LNPEP: variants seen among roughly 807,000 people sequenced by gnomAD.
LNPEP encodes leucyl-cystinyl aminopeptidase.
LNPEP carries 64 observed loss-of-function variants against 120.6 expected under a neutral mutation model. The ratio of observed to expected loss-of-function variants is 0.53; its 90% CI spans 0.43 to 0.65. LNPEP has a LOEUF of 0.65. Ranked by LOEUF, LNPEP falls within the 30% of genes least tolerant of loss-of-function variation. The pLI is 0.00. For missense variants in LNPEP, 1,057 were observed against 1,200.0 expected (o/e 0.88, Z 1.76); for synonymous variants, 435 against 425.4 (o/e 1.02, Z -0.28).
In LNPEP at chr5:97,006,486, A is replaced by C; in HGVS notation, c.2006A>C (p.Gln669Pro). 6.4e-7 allele frequency: 1 copy of C among 1,563,798 alleles called. No homozygotes were observed. ...GAAGGAAGAAATTATTCAAAATATC[A>C]ATCGGTATCATTACTGGATAAGAAA... Reference protein sequence around the residue: ...VTEGRNYSKYQSVSLLDKKSG... With the variant: ...VTEGRNYSKYPSVSLLDKKSG... Residue 669 changes from glutamine to proline, a missense_variant, in exon 11 of 18, where the codon CAA (glutamine) becomes CCA (proline). Coordinates refer to ENST00000231368, the MANE Select transcript of LNPEP (RefSeq NM_005575.3).
chr5:97,021,953 G>A (rs1308668935), intron 13 of LNPEP, among the ~76,000 whole-genome samples: 2 of 104,740 alleles, frequency 1.9e-5, no homozygotes, highest in African/African-American at 3.7e-5. Context: ...TTTTTTTGAG[G>A]CAGAGTCTTG....
intron 6 of LNPEP, among the ~76,000 whole-genome samples, chr5:96,994,664 G>T (rs1027874214): frequency 6.6e-6 from 1 of 152,032 alleles, no homozygotes; most frequent in African/African-American, 2.4e-5. Flanking sequence ...ACTAGCATTG[G>T]GTATGGTTTG....
chr5:96,936,399 G>C (rs1227750272), intron 1 of LNPEP: 1 of 411,296 alleles, frequency 2.4e-6, no homozygotes, highest in African/African-American at 2.1e-5. Flanking sequence ...CAGCGCCGCC[G>C]CCGCTCGCCC....
At chr5:97,011,034 C>T (rs1790912278) in intron 11 of LNPEP, 2 of 985,306 alleles carry the variant, frequency 2.0e-6, no homozygotes, top group Non-Finnish European at 2.4e-6. Context: ...TGTCCCTCCT[C>T]TTTACCATCT....
intron 1 of LNPEP, among the ~76,000 whole-genome samples, chr5:96,965,805 G>A (rs1054689314): frequency 6.6e-6 from 1 of 152,068 alleles, no homozygotes; most frequent in Non-Finnish European, 1.5e-5. Flanking sequence ...TACCTTGTTT[G>A]TTGTGATAGT....
At chr5:97,010,283 A>T (rs1189876589) in intron 11 of LNPEP, 29 of 972,526 alleles carry the variant, frequency 3.0e-5, no homozygotes, top group Non-Finnish European at 3.5e-5. Context: ...AATGCAAAAC[A>T]TTCATGTTTC....
At chr5:96,940,620 C>T (rs973909434) in intron 1 of LNPEP, among the ~76,000 whole-genome samples, 11 of 152,196 alleles carry the variant, frequency 7.2e-5, no homozygotes, top group African/African-American at 2.7e-4. Flanking sequence ...TGTACAGAAA[C>T]TGTTCATAAC....
chr5:96,948,605 T>C (rs1260415237), intron 1 of LNPEP, among the ~76,000 whole-genome samples: 1 of 152,226 alleles, frequency 6.6e-6, no homozygotes, highest in Admixed American at 6.5e-5. Context: ...CTAAGCTTTG[T>C]TCTTAAATTT....
At chr5:97,020,644 A>C (rs1454396710) in intron 13 of LNPEP, among the ~76,000 whole-genome samples, 1 of 152,082 alleles carries the variant, frequency 6.6e-6, no homozygotes, top group Non-Finnish European at 1.5e-5. Context: ...TACTAAAAAT[A>C]CAAAAAAATT....
At chr5:97,021,923 G>GTTTTTTTTTTTTTTTTTTTTTTTTTTTT (rs1165456605) in intron 13 of LNPEP, among the ~76,000 whole-genome samples, 1 of 57,170 alleles carries the variant, frequency 1.7e-5, no homozygotes, top group East Asian at 7.2e-4. Flanking sequence ...TTTGTCTTTT[G>GTTTTTTTTTTTTTTTTTTTTTTTTTTTT]TTTTTTTTTT....
chr5:97,008,846 A>G (rs995323672), intron 11 of LNPEP, among the ~76,000 whole-genome samples: 4 of 151,570 alleles, frequency 2.6e-5, no homozygotes, highest in African/African-American at 4.9e-5. Context: ...TTATATTTTT[A>G]GTAGAGACGG....
chr5:96,954,678 A>AT lies in LNPEP; in HGVS notation c.19+18505dup, dbSNP rs1789404245. Among the ~76,000 whole-genome samples the AT allele has an allele frequency of 3.2e-5, 2 of 62,358 alleles. 1 individual carries two copies. Among genetic ancestry groups the AT allele is most frequent in the Non-Finnish European group, 7.4e-5 (2 of 26,992 alleles). The allele number at this position is 62,358 out of a possible 152,430, so 40.9% of individuals were successfully genotyped here. A position where few individuals can be genotyped will look rare whatever the true frequency, so the allele number is the denominator to read the frequency against. On this transcript the variant is annotated intron_variant, in intron 1 of 17. Coordinates refer to ENST00000231368, the MANE Select transcript of LNPEP (RefSeq NM_005575.3). The stretch of plus-strand genomic sequence containing the variant: ...TATACACATATATACATATATACAC[A>AT]TATATACATATATACACATATATAC...
At chr5:97,015,900 A>T (rs1005500539) in intron 13 of LNPEP, among the ~76,000 whole-genome samples, 1 of 151,728 alleles carries the variant, frequency 6.6e-6, no homozygotes, top group Admixed American at 6.6e-5. Context: ...TTTTTTTAAC[A>T]TTTTTTTTAT....
At chr5:96,941,101 G>A (rs1022870581) in intron 1 of LNPEP, among the ~76,000 whole-genome samples, 4 of 152,196 alleles carry the variant, frequency 2.6e-5, no homozygotes, top group Non-Finnish European at 4.4e-5. Context: ...TCCCATCTAG[G>A]AGTGGTGGGA....
rs765332629 is a variant in LNPEP at position 96,979,267 on chromosome 5, G to T, written c.149G>T (p.Gly50Val). Residue 50 changes from glycine to valine, a missense_variant, in exon 2 of 18, where the codon GGT becomes GTT. Gly to Val is a moderately radical substitution (Grantham distance 109, BLOSUM62 -3). Transcript: ENST00000231368. ...EPDEVEYEPRGSRLLVRGLGE... is the reference protein window; with the variant it reads ...EPDEVEYEPRVSRLLVRGLGE... ...GATGAGGTGGAATATGAGCCCCGGGGTTCCCGACTGCTGGTGCGGGGTCTT... is the reference window on the plus strand; with the variant it reads ...GATGAGGTGGAATATGAGCCCCGGGTTTCCCGACTGCTGGTGCGGGGTCTT... The T allele has an allele frequency of 6.2e-7, 1 of 1,613,848 alleles. No individual in the cohort carries two copies. Among genetic ancestry groups the T allele is most frequent in the African/African-American group, 1.3e-5 (1 of 74,902 alleles).
chr5:96,957,764 T>C (rs766799890), intron 1 of LNPEP, among the ~76,000 whole-genome samples: 2 of 152,218 alleles, frequency 1.3e-5, no homozygotes, highest in Non-Finnish European at 2.9e-5. Flanking sequence ...CATTGTAGAC[T>C]TCTGACCTCC....
intron 8 of LNPEP, among the ~76,000 whole-genome samples, chr5:97,000,165 A>AG (rs914513679): frequency 1.7e-4 from 26 of 152,308 alleles, no homozygotes; most frequent in African/African-American, 4.6e-4. Context: ...ATGAAAATAA[A>AG]GCATGATAAG....
chr5:97,002,671 G>T (rs1582019164), intron 8 of LNPEP, among the ~76,000 whole-genome samples: 1 of 152,110 alleles, frequency 6.6e-6, no homozygotes, highest in Non-Finnish European at 1.5e-5. Flanking sequence ...TCAGCTTACT[G>T]CATAGATGAG....
chr5:97,026,666 T>C lies in LNPEP; in HGVS notation c.2773T>C (p.Ser925Pro), dbSNP rs553737068. 8.7e-6 allele frequency: 14 copies of C among 1,613,192 alleles called. No individual in the cohort carries two copies. The East Asian group carries it at 1.6e-4, about 18-fold the overall frequency. The change falls in exon 16 of 18, where the codon TCT becomes CCT. Residue 925 changes from serine (S) to proline (P), a missense_variant. Coordinates refer to ENST00000231368, the MANE Select transcript of LNPEP (RefSeq NM_005575.3). The part of the protein sequence containing the change: ...NGDNFRTQKL[S>P]FIIRTVGRHF... ...AGATAACTTCCGAACACAGAAGCTG[T>C]CTTTTATCATTAGAACAGTGGGTCG...
Sources: allele counts gnomAD v4.1 joint callset (sites outside exome capture counted in the v4.1 genomes callset), GRCh38; gene constraint gnomAD v4.1.1; transcripts MANE v1.5; gene names NCBI Gene and HGNC (gene_info 2026-07-23, HGNC 2026-07-21).